Variants in DOCK2 observed in about 807,000 individuals in gnomAD.
The protein encoded by DOCK2 is dedicator of cytokinesis protein 2.
In DOCK2, 87 loss-of-function variants were observed where a neutral mutation model predicts 248.9. That is an observed-to-expected ratio of 0.35 (90% confidence interval 0.29 to 0.42). The LOEUF is 0.42. DOCK2 is among the 10% of genes least tolerant of loss of function. DOCK2 has a pLI of 1.00. For synonymous variants in DOCK2, 805 were observed against 821.6 expected (o/e 0.98, Z 0.35); for missense variants, 1,747 against 2,300.2 (o/e 0.76, Z 4.92).
intron 25 of DOCK2, among the ~76,000 whole-genome samples, chr5:169,777,193 G>A (rs1326741546): frequency 1.3e-5 from 2 of 152,162 alleles, no homozygotes; most frequent in South Asian, 2.1e-4. Flanking sequence ...AGAGGATTTT[G>A]CTTCCTCCCT....
Position 170,082,789 on chromosome 5 carries a change from T to C in DOCK2, c.5431-7T>C. On this transcript the variant is annotated splice_region_variant and splice_polypyrimidine_tract_variant and intron_variant, in intron 51 of 51. Transcript: ENST00000520908. The stretch of plus-strand genomic sequence containing the variant: ...CTTGGTTTTGTGCTTGTTTATTCTC[T>C]CAAAAGCTGGCCAGCAAATCGGCTG... The C allele has an allele frequency of 1.9e-6, 3 of 1,614,110 alleles. No homozygotes were observed. The highest frequency in any genetic ancestry group is 1.7e-6 in the Non-Finnish European group (2 of 1,180,018).
At chr5:169,698,536 T>C in intron 11 of DOCK2, 87 bp downstream of exon 11, 1 of 1,440,522 alleles carries the variant, frequency 6.9e-7, no homozygotes, top group East Asian at 2.3e-5. Context: ...ACCAGTTCCC[T>C]GAGTTAGTGA....
intron 27 of DOCK2, among the ~76,000 whole-genome samples, chr5:169,944,845 C>G (rs1266511988): frequency 6.6e-6 from 1 of 152,224 alleles, no homozygotes; most frequent in African/African-American, 2.4e-5. Flanking sequence ...CCTCCTCCAT[C>G]TGCCTTGTGG....
At chr5:169,880,803 T>A (rs1446292513) in intron 27 of DOCK2, among the ~76,000 whole-genome samples, 1 of 152,200 alleles carries the variant, frequency 6.6e-6, no homozygotes, top group East Asian at 1.9e-4. Context: ...ACACTGTATA[T>A]CATGTTTCCC....
At chr5:169,810,426 A>G (rs1767666509) in intron 26 of DOCK2, among the ~76,000 whole-genome samples, 2 of 152,158 alleles carry the variant, frequency 1.3e-5, no homozygotes, top group South Asian at 4.2e-4. Flanking sequence ...GTTCTAATTG[A>G]CTCTTACTAG....
chr5:169,653,174 A>G (rs927118140), intron 1 of DOCK2, among the ~76,000 whole-genome samples: 7 of 152,194 alleles, frequency 4.6e-5, no homozygotes, highest in Non-Finnish European at 1.5e-5. Context: ...ACTTAGAATC[A>G]TGTCTGGGAT....
chr5:169,720,033 C>T (rs1471320609), intron 22 of DOCK2, among the ~76,000 whole-genome samples: 1 of 152,116 alleles, frequency 6.6e-6, no homozygotes, highest in East Asian at 1.9e-4. Flanking sequence ...ATTCTCTTAA[C>T]ACATTCTTTG....
chr5:169,723,988 G>T (rs1762341377), intron 22 of DOCK2, among the ~76,000 whole-genome samples: 1 of 152,202 alleles, frequency 6.6e-6, no homozygotes, highest in Admixed American at 6.5e-5. Flanking sequence ...CACAAAGAAG[G>T]AGACTGAGGC....
At chr5:169,723,910 A>C (rs943643798) in intron 22 of DOCK2, among the ~76,000 whole-genome samples, 1 of 152,208 alleles carries the variant, frequency 6.6e-6, no homozygotes, top group Non-Finnish European at 1.5e-5. Context: ...TCTGTGGTAC[A>C]CTAAAGCAAC....
intron 22 of DOCK2, among the ~76,000 whole-genome samples, chr5:169,736,270 G>C (rs155238): frequency 0.32 from 48,762 of 151,982 alleles, 11,625 homozygotes; most frequent in African/African-American, 0.66. Context: ...AAAGTGATGG[G>C]TCTTTTCACT....
chr5:170,056,555 A>T (rs777705911), intron 42 of DOCK2, 129 bp from the exon 43 acceptor site: 8 of 664,274 alleles, frequency 1.2e-5, no homozygotes, highest in Non-Finnish European at 2.1e-5. Context: ...TTGATTTTAA[A>T]TGCACCACAA....
chr5:169,887,262 T>A (rs1315456290), intron 27 of DOCK2, among the ~76,000 whole-genome samples: 1 of 152,240 alleles, frequency 6.6e-6, no homozygotes, highest in African/African-American at 2.4e-5. Flanking sequence ...AGTTTATGTA[T>A]CCTTTAGATG....
chr5:169,659,458 T>C (rs920033613), intron 2 of DOCK2, among the ~76,000 whole-genome samples: 2 of 152,220 alleles, frequency 1.3e-5, no homozygotes, highest in African/African-American at 4.8e-5. Flanking sequence ...GGCAGATGTA[T>C]ATTTTTACAA....
At chr5:169,789,597 G>A (rs1766199291) in intron 25 of DOCK2, among the ~76,000 whole-genome samples, 1 of 152,096 alleles carries the variant, frequency 6.6e-6, no homozygotes, top group South Asian at 2.1e-4. Flanking sequence ...ACTTTCCCCA[G>A]TTCCTCTTTT....
chr5:169,779,892 G>A (rs773147044), intron 25 of DOCK2, among the ~76,000 whole-genome samples: 20 of 152,262 alleles, frequency 1.3e-4, no homozygotes, highest in South Asian at 8.3e-4. Flanking sequence ...GAGGTGTGGT[G>A]ACTGACTGTG....
chr5:169,759,900 G>A (rs1250517575), intron 24 of DOCK2, 125 bp downstream of exon 24: 1 of 1,035,608 alleles, frequency 9.7e-7, no homozygotes, highest in Non-Finnish European at 1.4e-6. Flanking sequence ...CCTGTGGCAG[G>A]GGATGTTTTC....
In DOCK2 at chr5:169,671,073, A is replaced by C; in HGVS notation, c.225-5A>C. The C allele has an allele frequency of 1.2e-6, 2 of 1,613,224 alleles. No homozygotes were observed. The highest frequency in any genetic ancestry group is 1.7e-6 in the Non-Finnish European group (2 of 1,179,614). On this transcript the variant is annotated splice_region_variant and splice_polypyrimidine_tract_variant and intron_variant, in intron 4 of 51. Transcript: ENST00000520908. Reference sequence around the variant, plus strand: ...TCACACCACTTTTTCTCCCACCTTAAATAGAAATACTGAGAACATCATTCC... The same window carrying C: ...TCACACCACTTTTTCTCCCACCTTACATAGAAATACTGAGAACATCATTCC...
chr5:170,066,082 A>G (rs1029141751), intron 44 of DOCK2, among the ~76,000 whole-genome samples: 63 of 151,630 alleles, frequency 4.2e-4, no homozygotes, highest in East Asian at 3.9e-4. Flanking sequence ...CTCCCGAGTA[A>G]CTGGGACTAC....
At chr5:169,712,586 C>T (rs1047344618) in intron 17 of DOCK2, among the ~76,000 whole-genome samples, 3 of 152,172 alleles carry the variant, frequency 2.0e-5, no homozygotes, top group Non-Finnish European at 4.4e-5. Context: ...GTACAATAAA[C>T]ATTTGAGAGA....
Sources: gnomAD v4.1 joint callset for allele counts (sites outside exome capture counted in the v4.1 genomes callset) on GRCh38, gnomAD v4.1.1 for gene constraint, MANE v1.5 for transcripts, NCBI Gene and HGNC (gene_info 2026-07-23, HGNC 2026-07-21) for gene names.